Variants in IFT57 observed in about 807,000 individuals in gnomAD.
The protein encoded by IFT57 is intraflagellar transport 57.
A neutral mutation model predicts 56.8 loss-of-function variants in IFT57; 59 were observed. The observed-to-expected ratio is 1.04, with a 90% CI of 0.84 to 1.29. IFT57 has a LOEUF of 1.29. Among genes scored for constraint, IFT57 ranks in the 50% most tolerant of loss-of-function variants. The pLI is 0.00. For missense variants in IFT57, 470 were observed against 522.1 expected, an observed-to-expected ratio of 0.90 and a Z score of 0.97; for synonymous variants, 209 against 186.1, an observed-to-expected ratio of 1.12 and a Z score of -1.00.
intron 1 of IFT57, among the ~76,000 whole-genome samples, chr3:108,220,207 A>G (rs2080397673): frequency 6.6e-6 from 1 of 152,256 alleles, no homozygotes; most frequent in African/African-American, 2.4e-5. Context: ...TGAATGTCAC[A>G]TCACCAGTCA....
chr3:108,222,198 A>G lies in IFT57; in HGVS notation c.125T>C (p.Val42Ala), dbSNP rs2080410199. The change falls in exon 1 of 11, where the codon GTG becomes GCG. Residue 42 changes from valine to alanine, a missense_variant. Physicochemically the swap from Val to Ala is moderately conservative, Grantham distance 64 (BLOSUM62 0). Coordinates refer to ENST00000264538, the MANE Select transcript of IFT57 (RefSeq NM_018010.4). Reference sequence around the variant, plus strand: ...CTTCTCCACCAAGTCCTCCATCACCACGAACATGTGGTAGGCCGCGCCGGG... The same window carrying G: ...CTTCTCCACCAAGTCCTCCATCACCGCGAACATGTGGTAGGCCGCGCCGGG... ...RGPGAAYHMFVVMEDLVEKLK... is the reference protein window; with the variant it reads ...RGPGAAYHMFAVMEDLVEKLK... The G allele has an allele frequency of 6.2e-7, 1 of 1,613,852 alleles. No homozygotes were observed. Among genetic ancestry groups the G allele is most frequent in the Non-Finnish European group, 8.5e-7 (1 of 1,179,996 alleles).
chr3:108,184,528 A>ATAAAAACTTTAACT (rs2080169468), intron 6 of IFT57, among the ~76,000 whole-genome samples: 2 of 152,050 alleles, frequency 1.3e-5, no homozygotes, highest in Admixed American at 1.3e-4. Flanking sequence ...AAAAAAAACT[A>ATAAAAACTTTAACT]TTATAAAAAG....
At chr3:108,199,214 TA>T (rs2080263491) in intron 5 of IFT57, among the ~76,000 whole-genome samples, 1 of 152,198 alleles carries the variant, frequency 6.6e-6, no homozygotes, top group African/African-American at 2.4e-5. Flanking sequence ...TATTTTACTT[TA>T]AAAAAGAATA....
chr3:108,181,465 C>T (rs1467941656), intron 6 of IFT57, among the ~76,000 whole-genome samples: 2 of 152,076 alleles, frequency 1.3e-5, no homozygotes, highest in South Asian at 2.1e-4. Context: ...TATGTAGTCT[C>T]TCTTAAAGAA....
chr3:108,186,775 C>T (rs1375936074), intron 6 of IFT57, among the ~76,000 whole-genome samples: 1 of 152,088 alleles, frequency 6.6e-6, no homozygotes, highest in Non-Finnish European at 1.5e-5. Flanking sequence ...AGACCAACTC[C>T]TCCTCTAGTC....
intron 3 of IFT57, among the ~76,000 whole-genome samples, chr3:108,217,403 C>T (rs554734736): frequency 7.2e-5 from 11 of 152,110 alleles, no homozygotes; most frequent in African/African-American, 2.4e-4. Flanking sequence ...ATGCTAAATA[C>T]AGCAGCACAT....
intron 5 of IFT57, among the ~76,000 whole-genome samples, chr3:108,203,495 A>G (rs1235533246): frequency 6.6e-6 from 1 of 152,212 alleles, no homozygotes; most frequent in African/African-American, 2.4e-5. Context: ...TTATTTAATG[A>G]AAGGAAGGAA....
intron 9 of IFT57, among the ~76,000 whole-genome samples, chr3:108,164,626 A>T (rs2080050712): frequency 6.6e-6 from 1 of 152,106 alleles, no homozygotes; most frequent in South Asian, 2.1e-4. Context: ...TACCTAACAT[A>T]AGTGAACACT....
chr3:108,217,623 CT>C (rs2080379747), intron 3 of IFT57, among the ~76,000 whole-genome samples: 1 of 150,586 alleles, frequency 6.6e-6, no homozygotes, highest in Non-Finnish European at 1.5e-5. Context: ...GAGATTATAT[CT>C]AAAAGAATAT....
At chr3:108,195,819 A>G (rs2080241162) in intron 5 of IFT57, among the ~76,000 whole-genome samples, 1 of 152,082 alleles carries the variant, frequency 6.6e-6, no homozygotes, top group Non-Finnish European at 1.5e-5. Context: ...AGAGATTGAG[A>G]ATGGTAGCGG....
intron 4 of IFT57, 59 bp downstream of exon 4, chr3:108,213,872 A>AAG (rs1322989661): frequency 1.1e-6 from 1 of 951,470 alleles, no homozygotes; most frequent in Non-Finnish European, 1.7e-6. Flanking sequence ...GGGGGAAATT[A>AAG]AGAGAATGGG....
At chr3:108,205,942 TA>T (rs56302812) in intron 5 of IFT57, among the ~76,000 whole-genome samples, 9,325 of 105,862 alleles carry the variant, frequency 0.088, 1,048 homozygotes, top group East Asian at 0.54. Flanking sequence ...ATAAATATAT[TA>T]GTTTATAATA....
In IFT57 at chr3:108,219,447, G is replaced by A; in HGVS notation, c.338C>T (p.Ala113Val). ...EQPQEYDDPN[A>V]TISNILSELR... The stretch of plus-strand genomic sequence containing the variant: ...CTCGGATAGTATGTTAGATATTGTT[G>A]CATTAGGGTCATCATATTCTTGAGG... The change falls in exon 2 of 11, where the codon GCA (alanine) becomes GTA (valine). Residue 113 changes from alanine (A) to valine (V), a missense_variant. Coordinates refer to ENST00000264538, the MANE Select transcript of IFT57 (RefSeq NM_018010.4). The A allele has an allele frequency of 1.9e-6, 3 of 1,612,038 alleles. No individual in the cohort carries two copies. Among genetic ancestry groups the A allele is most frequent in the Non-Finnish European group, 2.5e-6 (3 of 1,178,576 alleles).
At chr3:108,170,470 C>T (rs1167382292) in intron 6 of IFT57, among the ~76,000 whole-genome samples, 5 of 151,824 alleles carry the variant, frequency 3.3e-5, no homozygotes, top group Non-Finnish European at 7.4e-5. Flanking sequence ...TCAAGGAGAA[C>T]TAAAAACCAC....
chr3:108,164,088 T>C (rs957233406), intron 9 of IFT57, among the ~76,000 whole-genome samples: 2 of 152,090 alleles, frequency 1.3e-5, no homozygotes, highest in Non-Finnish European at 2.9e-5. Flanking sequence ...TAAAATAGTA[T>C]AAACATCCTG....
intron 6 of IFT57, among the ~76,000 whole-genome samples, chr3:108,172,156 G>A (rs1444079727): frequency 6.6e-6 from 1 of 151,774 alleles, no homozygotes; most frequent in Non-Finnish European, 1.5e-5. Context: ...CTCCATGGAG[G>A]GGCTGGTATT....
At chr3:108,195,643 A>G (rs2080240000) in intron 5 of IFT57, among the ~76,000 whole-genome samples, 1 of 152,214 alleles carries the variant, frequency 6.6e-6, no homozygotes, top group Non-Finnish European at 1.5e-5. Context: ...TTAGCCATAA[A>G]AAGAATGAAA....
chr3:108,197,035 C>CT (rs1489678088), intron 5 of IFT57, among the ~76,000 whole-genome samples: 1 of 152,110 alleles, frequency 6.6e-6, no homozygotes, highest in Admixed American at 6.6e-5. Flanking sequence ...AAATAAACTG[C>CT]TTTTCATTTA....
chr3:108,181,927 T>C (rs2080153174), intron 6 of IFT57, among the ~76,000 whole-genome samples: 1 of 152,066 alleles, frequency 6.6e-6, no homozygotes, highest in Non-Finnish European at 1.5e-5. Flanking sequence ...CCAGAAAATC[T>C]GTAAGAATTA....
Sources: gnomAD v4.1 joint callset for allele counts (sites outside exome capture counted in the v4.1 genomes callset) on GRCh38, gnomAD v4.1.1 for gene constraint, MANE v1.5 for transcripts, NCBI Gene and HGNC (gene_info 2026-07-23, HGNC 2026-07-21) for gene names.